FNTB: variants seen among roughly 807,000 people sequenced by gnomAD.
FNTB encodes farnesyltransferase, CAAX box, subunit beta.
Under a neutral mutation model 59.4 loss-of-function variants are expected in FNTB, and 27 were observed. That is an observed-to-expected ratio of 0.45 (90% CI 0.34 to 0.63). The LOEUF (loss-of-function observed/expected upper bound fraction) is 0.63. Among genes scored for constraint, FNTB ranks in the 20% least tolerant of loss-of-function variants. The probability of loss-of-function intolerance (pLI) is 0.02; values close to 1 mark genes in which losing one functional copy is unlikely to be tolerated. For missense variants in FNTB, 449 were observed against 559.6 expected (o/e 0.80, Z 1.99); for synonymous variants, 230 against 220.7 (o/e 1.04, Z -0.37).
At chr14:65,045,331 T>G (rs2062451357) in intron 9 of FNTB, among the ~76,000 whole-genome samples, 1 of 152,140 alleles carries the variant, frequency 6.6e-6, no homozygotes, top group Admixed American at 6.5e-5. Flanking sequence ...ATAATGTAAC[T>G]GCTCAAATGT....
chr14:65,049,040 T>C lies in FNTB; in HGVS notation c.956-4198T>C, dbSNP rs553137322. Among the ~76,000 whole-genome samples, 140 of 150,786 alleles carry C rather than the reference T, an allele frequency of 9.3e-4. 7 individuals are homozygous for C. The South Asian group carries it at 0.024, about 26-fold the overall frequency. On this transcript the variant is annotated intron_variant, in intron 9 of 11. Coordinates refer to ENST00000246166, the MANE Select transcript of FNTB (RefSeq NM_002028.4). ...TACTCAGGAGGCTGAGGCAGGAGAA[T>C]CCCTTGAACCCCGGAGGCGGAGGTT...
At position 65,030,712 on chromosome 14, in the gene FNTB, C is replaced by A. The variant is rs1468979671; in HGVS notation, c.606-1898C>A. On this transcript the variant is annotated intron_variant, in intron 6 of 11. Transcript: ENST00000246166. This position sits in a 1 kb window ranked among gnomAD's most constrained non-coding sequence, Gnocchi z 4.5. ...CCATGATAGCGCCACTGCACTGCAG[C>A]CTGGGCAACAAAGTGAGATCCTATC... Among the ~76,000 whole-genome samples the A allele has an allele frequency of 6.6e-6, 1 of 151,678 alleles. No individual in the cohort carries two copies. The highest frequency in any genetic ancestry group is 2.4e-5 in the African/African-American group (1 of 41,256).
chr14:65,053,224 TTGCCCTTCAACAGGTGACCC>T lies in FNTB; in HGVS notation c.956-6_969del. 2 of 1,365,682 alleles carry T rather than the reference TTGCCCTTCAACAGGTGACCC, an allele frequency of 1.5e-6. No homozygotes were observed. Among genetic ancestry groups the T allele is most frequent in the Non-Finnish European group, 1.9e-6 (2 of 1,048,354 alleles). The allele number at this position is 1,365,682 out of a possible 1,614,324, so 84.6% of individuals were successfully genotyped here. A position where few individuals can be genotyped will look rare whatever the true frequency, so the allele number is the denominator to read the frequency against. ...GATCTGCCGGGCCCTTACTGACCCT[TTGCCCTTCAACAGGTGACCC>T]TGCCCTTAGCATGAGCCACTGGATG... is the stretch of plus-strand genomic sequence containing the variant. On this transcript the variant is annotated splice_acceptor_variant and splice_polypyrimidine_tract_variant and coding_sequence_variant and intron_variant, in exon 10 of 12. Transcript: ENST00000246166. LOFTEE classifies it high-confidence loss of function.
At chr14:64,992,845 T>C (rs1361698972) in intron 1 of FNTB, among the ~76,000 whole-genome samples, 1 of 151,904 alleles carries the variant, frequency 6.6e-6, no homozygotes, top group African/African-American at 2.4e-5. Flanking sequence ...AAATGATTTC[T>C]ATTTTTTTTT....
At chr14:64,988,443 C>CT (rs1218125017) in intron 1 of FNTB, among the ~76,000 whole-genome samples, 2,826 of 120,510 alleles carry the variant, frequency 0.023, 77 homozygotes, top group East Asian at 0.068. Context: ...ATGGGATTGC[C>CT]TTTTTTTTTT....
At position 65,030,592 on chromosome 14, in the gene FNTB, A is replaced by T. The variant is rs2062061259; in HGVS notation, c.606-2018A>T. Among the ~76,000 whole-genome samples the T allele has an allele frequency of 6.6e-6, 1 of 152,058 alleles. No individual in the cohort carries two copies. Among genetic ancestry groups the T allele is most frequent in the South Asian group, 2.1e-4 (1 of 4,822 alleles). ...TGTCTCTACAAAAAATTTTTAAAAAATTAGCCAGGTGTGGTGGCATGCATC... is the reference window on the plus strand; with the variant it reads ...TGTCTCTACAAAAAATTTTTAAAAATTTAGCCAGGTGTGGTGGCATGCATC... On this transcript the variant is annotated intron_variant, in intron 6 of 11. Coordinates refer to ENST00000246166, the MANE Select transcript of FNTB (RefSeq NM_002028.4). This position sits in a 1 kb window ranked among gnomAD's most constrained non-coding sequence, Gnocchi z 4.5.
intron 11 of FNTB, among the ~76,000 whole-genome samples, chr14:65,058,359 G>A (rs1025681912): frequency 2.0e-5 from 3 of 151,500 alleles, no homozygotes; most frequent in African/African-American, 4.9e-5. Context: ...TGTTACTAGT[G>A]TATAGAAATG....
chr14:64,986,902 G>C lies in FNTB; in HGVS notation c.-52G>C, dbSNP rs1020911986. The C allele has an allele frequency of 6.2e-6, 10 of 1,607,746 alleles. No homozygotes were observed. The African/African-American group carries it at 8.0e-5, about 13-fold the overall frequency. Reference sequence around the variant, plus strand: ...TTAGCCCGCTCGAGTTTCAATGCGCGTTGTTGCTTAACGAAGCAGAGTCCT... The same window carrying C: ...TTAGCCCGCTCGAGTTTCAATGCGCCTTGTTGCTTAACGAAGCAGAGTCCT... On this transcript the variant is annotated 5_prime_UTR_variant, in exon 1 of 12. Coordinates refer to ENST00000246166, the MANE Select transcript of FNTB (RefSeq NM_002028.4).
chr14:65,000,354 T>G (rs1249756500), intron 1 of FNTB, among the ~76,000 whole-genome samples: 1 of 152,180 alleles, frequency 6.6e-6, no homozygotes, highest in Non-Finnish European at 1.5e-5. Flanking sequence ...AGTACAGACT[T>G]ATTTTCTTGT....
Position 65,001,179 on chromosome 14 carries a change from G to A in FNTB, c.145-3070G>A, listed in dbSNP as rs1888587379. Among the ~76,000 whole-genome samples, 1 of 152,178 alleles carries A rather than the reference G, an allele frequency of 6.6e-6. No homozygotes were observed. Among genetic ancestry groups the A allele is most frequent in the Admixed American group, 6.5e-5 (1 of 15,274 alleles). ...TACATTGTACTAGGAGGTATTATAA[G>A]TAATCTAGAGATGATTTAAAATACA... On this transcript the variant is annotated intron_variant, in intron 1 of 11. Transcript: ENST00000246166. This position sits in a 1 kb window ranked among gnomAD's most constrained non-coding sequence, Gnocchi z 5.5.
chr14:65,058,683 T>C (rs901221615), intron 11 of FNTB, among the ~76,000 whole-genome samples: 2 of 152,248 alleles, frequency 1.3e-5, no homozygotes, highest in Non-Finnish European at 2.9e-5. Context: ...CATAAGGTAG[T>C]GTTAAATTTT....
At chr14:65,058,925 C>T (rs977443360) in intron 11 of FNTB, among the ~76,000 whole-genome samples, 14 of 152,154 alleles carry the variant, frequency 9.2e-5, no homozygotes, top group African/African-American at 1.9e-4. Context: ...AAAGATTGAT[C>T]TAAAATTTTA....
intron 4 of FNTB, among the ~76,000 whole-genome samples, chr14:65,019,249 G>C (rs964783841): frequency 6.6e-6 from 1 of 152,086 alleles, no homozygotes; most frequent in African/African-American, 2.4e-5. Context: ...GACTTTGAGA[G>C]GCTGAGACAG....
In FNTB at chr14:64,990,681, A is replaced by C. The variant is rs1452108553; in HGVS notation, c.144+3584A>C. ...TTCCTGCCAGGACTTAGACTGATCC[A>C]TGATCAGAGAGTTTTGAGCAGGGGA... On this transcript the variant is annotated intron_variant, in intron 1 of 11. Coordinates refer to ENST00000246166, the MANE Select transcript of FNTB (RefSeq NM_002028.4). This position sits in a 1 kb window ranked among gnomAD's most constrained non-coding sequence, Gnocchi z 5.2. 6.6e-6 allele frequency among the ~76,000 whole-genome samples: 1 copy of C among 152,152 alleles called. No individual in the cohort carries two copies. Among genetic ancestry groups the C allele is most frequent in the Non-Finnish European group, 1.5e-5 (1 of 68,026 alleles).
chr14:64,989,963 G>C (rs1188208630), intron 1 of FNTB, among the ~76,000 whole-genome samples: 1 of 152,002 alleles, frequency 6.6e-6, no homozygotes, highest in East Asian at 1.9e-4. Context: ...CTTCATATAA[G>C]GTGTTAAGGG....
At position 65,012,653 on chromosome 14, in the gene FNTB, G is replaced by A. The variant is rs1291366586; in HGVS notation, c.282+264G>A. 1.3e-5 allele frequency among the ~76,000 whole-genome samples: 2 copies of A among 152,244 alleles called. No individual in the cohort carries two copies. The highest frequency in any genetic ancestry group is 2.9e-5 in the Non-Finnish European group (2 of 68,028). Reference sequence around the variant, plus strand: ...ACTAGATGATGACTAAGGGGTTCACGTGCTTTATCTAGACCTCCTTGACAG... The same window carrying A: ...ACTAGATGATGACTAAGGGGTTCACATGCTTTATCTAGACCTCCTTGACAG... On this transcript the variant is annotated intron_variant, in intron 3 of 11. Coordinates refer to ENST00000246166, the MANE Select transcript of FNTB (RefSeq NM_002028.4). This position sits in a 1 kb window ranked among gnomAD's most constrained non-coding sequence, Gnocchi z 5.0.
Position 65,040,744 on chromosome 14 carries a change from G to A in FNTB, c.693-46G>A, listed in dbSNP as rs763790962. On this transcript the variant is annotated intron_variant, in intron 7 of 11. Coordinates refer to ENST00000246166, the MANE Select transcript of FNTB (RefSeq NM_002028.4). The stretch of plus-strand genomic sequence containing the variant: ...CTAGGATGGTCCTGGTCTTGTGTAC[G>A]TCCACTCACTGGCCACTCATTCTGC... 9 of 1,594,848 alleles carry A rather than the reference G, an allele frequency of 5.6e-6. No individual in the cohort carries two copies. In the African/African-American group the frequency reaches 6.7e-5, roughly 12 times the overall value.
Position 65,054,336 on chromosome 14 carries a change from C to T in FNTB, c.1068-239C>T, listed in dbSNP as rs1056742365. Among the ~76,000 whole-genome samples, 18 of 151,988 alleles carry T rather than the reference C, an allele frequency of 1.2e-4. No individual in the cohort carries two copies. In the East Asian group the frequency reaches 1.8e-3, roughly 15 times the overall value. On this transcript the variant is annotated intron_variant, in intron 10 of 11. Coordinates refer to ENST00000246166, the MANE Select transcript of FNTB (RefSeq NM_002028.4). This position sits in a 1 kb window ranked among gnomAD's most constrained non-coding sequence, Gnocchi z 4.4. ...ATGTTGCCCAAGTTGGTTTTGAACTCCTGGCCTCAAACCGTTCTCTTGCCT... is the reference window on the plus strand; with the variant it reads ...ATGTTGCCCAAGTTGGTTTTGAACTTCTGGCCTCAAACCGTTCTCTTGCCT...
At position 65,061,403 on chromosome 14, in the gene FNTB, C is replaced by T; in HGVS notation, c.*91C>T. On this transcript the variant is annotated 3_prime_UTR_variant, in exon 12 of 12. Coordinates refer to ENST00000246166, the MANE Select transcript of FNTB (RefSeq NM_002028.4). ...AATACATACTGCATTCTGTGCTACACAAGCCTTAGCCTCAGTGGAGCTGTG... is the reference window on the plus strand; with the variant it reads ...AATACATACTGCATTCTGTGCTACATAAGCCTTAGCCTCAGTGGAGCTGTG... 1 of 1,550,234 alleles carries T rather than the reference C, an allele frequency of 6.5e-7. No individual in the cohort carries two copies. The highest frequency in any genetic ancestry group is 8.7e-7 in the Non-Finnish European group (1 of 1,147,982).
Sources: allele counts gnomAD v4.1 joint callset (sites outside exome capture counted in the v4.1 genomes callset), GRCh38; gene constraint gnomAD v4.1.1; non-coding constraint Gnocchi (gnomAD v3.1); transcripts MANE v1.5; gene names NCBI Gene and HGNC (gene_info 2026-07-23, HGNC 2026-07-21).